The following CDH13 variants were observed in gnomAD, a reference collection of about 807,000 sequenced individuals.
CDH13 encodes the protein cadherin-13.
In CDH13, 24 loss-of-function variants were observed where a neutral mutation model predicts 63.8. The observed-to-expected ratio is 0.38, with a 90% confidence interval of 0.27 to 0.53. CDH13 has a LOEUF of 0.53. CDH13 is among the 20% of genes least tolerant of loss of function. CDH13 has a pLI of 0.85. For synonymous variants in CDH13, 503 were observed against 355.3 expected, an observed-to-expected ratio of 1.42 and a Z score of -4.67; for missense variants, 1,049 against 903.1, an observed-to-expected ratio of 1.16 and a Z score of -2.07.
chr16:83,793,028 G>A (rs1159859850), intron 13 of CDH13, among the ~76,000 whole-genome samples: 1 of 152,162 alleles, frequency 6.6e-6, no homozygotes, highest in East Asian at 1.9e-4. Context: ...CAGGACTAGG[G>A]TATCAGTAGG....
At chr16:83,168,139 G>A (rs752585699) in intron 4 of CDH13, among the ~76,000 whole-genome samples, 25 of 151,994 alleles carry the variant, frequency 1.6e-4, no homozygotes, top group East Asian at 5.8e-4. Flanking sequence ...AAACCTCAGC[G>A]CCACACAATA....
At chr16:82,653,041 G>A (rs1910910151) in intron 1 of CDH13, among the ~76,000 whole-genome samples, 1 of 152,224 alleles carries the variant, frequency 6.6e-6, no homozygotes, top group African/African-American at 2.4e-5. Context: ...TTGTAATTCA[G>A]AAGGGTAAAC....
intron 4 of CDH13, among the ~76,000 whole-genome samples, chr16:83,192,380 T>C (rs980964602): frequency 2.6e-5 from 4 of 152,206 alleles, no homozygotes; most frequent in African/African-American, 9.6e-5. Context: ...TCTCCTGCCT[T>C]GAGCCGTTCA....
intron 4 of CDH13, among the ~76,000 whole-genome samples, chr16:83,126,225 C>G (rs2035806685): frequency 1.3e-5 from 2 of 152,152 alleles, no homozygotes; most frequent in Admixed American, 1.3e-4. Flanking sequence ...AAGGGTGCTG[C>G]TTGTACTTCT....
chr16:83,009,332 C>A (rs1157679271), intron 2 of CDH13, among the ~76,000 whole-genome samples: 1 of 152,158 alleles, frequency 6.6e-6, no homozygotes, highest in African/African-American at 2.4e-5. Context: ...GTGTCTCTTT[C>A]ATTTGTTTAG....
chr16:83,176,601 C>T (rs115120648), intron 4 of CDH13, among the ~76,000 whole-genome samples: 3,969 of 151,820 alleles, frequency 0.026, 151 homozygotes, highest in African/African-American at 0.09. Flanking sequence ...CCAGTTCATC[C>T]CCAATTATAA....
At chr16:82,928,905 T>C (rs894358878) in intron 2 of CDH13, among the ~76,000 whole-genome samples, 2 of 152,172 alleles carry the variant, frequency 1.3e-5, no homozygotes, top group Non-Finnish European at 2.9e-5. Context: ...AAAGCCTCCA[T>C]TTTTCTGACA....
chr16:83,635,973 ATT>A (rs1038008739), intron 8 of CDH13, among the ~76,000 whole-genome samples: 1 of 151,950 alleles, frequency 6.6e-6, no homozygotes, highest in Non-Finnish European at 1.5e-5. Flanking sequence ...TTCGGAACTG[ATT>A]TTTTTATGTA....
At chr16:83,473,998 T>C (rs1206815091) in intron 6 of CDH13, among the ~76,000 whole-genome samples, 1 of 152,148 alleles carries the variant, frequency 6.6e-6, no homozygotes, top group Admixed American at 6.5e-5. Flanking sequence ...CTGCACCAAC[T>C]TTTGTATTCA....
intron 5 of CDH13, among the ~76,000 whole-genome samples, chr16:83,297,530 C>G (rs2089631226): frequency 6.6e-6 from 1 of 152,068 alleles, no homozygotes. Context: ...CACCAGAGCA[C>G]TCTTGTTTCT....
At chr16:82,893,864 C>G (rs936317050) in intron 2 of CDH13, among the ~76,000 whole-genome samples, 3 of 152,138 alleles carry the variant, frequency 2.0e-5, no homozygotes, top group Admixed American at 6.5e-5. Flanking sequence ...CTGCATGAAC[C>G]TCCTTCCTTC....
intron 6 of CDH13, among the ~76,000 whole-genome samples, chr16:83,484,516 G>A (rs2073843408): frequency 6.6e-6 from 1 of 152,174 alleles, no homozygotes; most frequent in African/African-American, 2.4e-5. Flanking sequence ...AAAACCAGCA[G>A]GCATGTTTTT....
At chr16:83,297,818 G>A (rs1281413019) in intron 5 of CDH13, among the ~76,000 whole-genome samples, 2 of 152,136 alleles carry the variant, frequency 1.3e-5, no homozygotes, top group African/African-American at 4.8e-5. Context: ...GGACATTCAA[G>A]ATAGACTTCT....
At chr16:83,769,413 A>G (rs1055369764) in intron 11 of CDH13, among the ~76,000 whole-genome samples, 9 of 152,202 alleles carry the variant, frequency 5.9e-5, no homozygotes, top group African/African-American at 1.7e-4. Flanking sequence ...AGCAGAGTCC[A>G]ATTAACAAGA....
At chr16:82,686,590 C>G (rs913745356) in intron 1 of CDH13, among the ~76,000 whole-genome samples, 13 of 152,230 alleles carry the variant, frequency 8.5e-5, no homozygotes, top group Admixed American at 7.9e-4. Context: ...TATTTAATCA[C>G]TCTGGCCTTC....
At chr16:82,789,613 C>CA (rs2036189262) in intron 1 of CDH13, among the ~76,000 whole-genome samples, 1 of 152,210 alleles carries the variant, frequency 6.6e-6, no homozygotes, top group Non-Finnish European at 1.5e-5. Flanking sequence ...GTCCATTGGG[C>CA]AGGACACACC....
intron 2 of CDH13, among the ~76,000 whole-genome samples, chr16:82,870,434 C>G (rs936449427): frequency 6.6e-6 from 1 of 152,000 alleles, no homozygotes; most frequent in African/African-American, 2.4e-5. Context: ...AAAAATAGAA[C>G]TACTATATGG....
chr16:83,356,297 C>G (rs2091055561), intron 6 of CDH13, among the ~76,000 whole-genome samples: 1 of 149,192 alleles, frequency 6.7e-6, no homozygotes, highest in Admixed American at 6.7e-5. Context: ...AACCACCAAC[C>G]TTCCTTAGTC....
At chr16:83,221,808 CAG>C (rs1051958335) in intron 5 of CDH13, among the ~76,000 whole-genome samples, 3 of 152,016 alleles carry the variant, frequency 2.0e-5, no homozygotes, top group African/African-American at 7.2e-5. Flanking sequence ...CTGGGAATGT[CAG>C]AGCTGGGTGG....
Sources: gnomAD v4.1 joint callset for allele counts (sites outside exome capture counted in the v4.1 genomes callset) on GRCh38, gnomAD v4.1.1 for gene constraint, MANE v1.5 for transcripts, NCBI Gene and HGNC (gene_info 2026-07-23, HGNC 2026-07-21) for gene names.